The following CRK variants were observed in gnomAD, a reference collection of about 807,000 sequenced individuals.
The protein encoded by CRK is CRK proto-oncogene, adaptor protein.
Under a neutral mutation model 29.8 loss-of-function variants are expected in CRK, and 4 were observed. The observed-to-expected ratio is 0.13, with a 90% CI of 0.07 to 0.31. The LOEUF (loss-of-function observed/expected upper bound fraction) is 0.31. Ranked by LOEUF, CRK falls within the 10% of genes least tolerant of loss-of-function variation. The probability of loss-of-function intolerance (pLI) is 1.00; values close to 1 mark genes in which losing one functional copy is unlikely to be tolerated. For synonymous variants in CRK, 153 were observed against 164.9 expected, an observed-to-expected ratio of 0.93 and a Z score of 0.55; for missense variants, 274 against 396.5, an observed-to-expected ratio of 0.69 and a Z score of 2.62.
At position 1,421,889 on chromosome 17, in the gene CRK, C is replaced by T. The variant is rs2073728889; in HGVS notation, c.*1624G>A. On this transcript the variant is annotated 3_prime_UTR_variant, in exon 3 of 3. Coordinates refer to ENST00000300574, the MANE Select transcript of CRK (RefSeq NM_016823.4). Reference sequence around the variant, plus strand: ...TACCACACCAGAGACCGGTAAGTGCCTTTATAGACTGAGAACTAACGTGGA... The same window carrying T: ...TACCACACCAGAGACCGGTAAGTGCTTTTATAGACTGAGAACTAACGTGGA... 2 of 152,140 alleles carry T rather than the reference C, an allele frequency of 1.3e-5. No individual in the cohort carries two copies. The highest frequency in any genetic ancestry group is 2.4e-5 in the African/African-American group (1 of 41,424). 9.4% of individuals were successfully genotyped at this position (152,140 alleles called of 1,614,324 possible).
chr17:1,455,490 G>A (rs2074048878), intron 1 of CRK, among the ~76,000 whole-genome samples: 1 of 152,300 alleles, frequency 6.6e-6, no homozygotes. Context: ...CCACTTGTAG[G>A]ATTATCGGAT....
chr17:1,428,521 C>CTTTTTTTTT (rs754259440), intron 2 of CRK, among the ~76,000 whole-genome samples: 1 of 111,198 alleles, frequency 9.0e-6, no homozygotes, highest in African/African-American at 3.5e-5. Flanking sequence ...CATATCAGAT[C>CTTTTTTTTT]TTTTTTTTTT....
chr17:1,425,461 C>T (rs959222565), intron 2 of CRK, among the ~76,000 whole-genome samples: 8 of 152,142 alleles, frequency 5.3e-5, no homozygotes, highest in Non-Finnish European at 1.0e-4. Context: ...CTGACACCAT[C>T]ATGGCTCACT....
At position 1,423,669 on chromosome 17, in the gene CRK, G is replaced by A. The variant is rs376468359; in HGVS notation, c.778-19C>T. 16 of 1,612,704 alleles carry A rather than the reference G, an allele frequency of 9.9e-6. No individual in the cohort carries two copies. The African/African-American group carries it at 1.7e-4, about 18-fold the overall frequency. On this transcript the variant is annotated intron_variant, in intron 2 of 2. Coordinates refer to ENST00000300574, the MANE Select transcript of CRK (RefSeq NM_016823.4). ...CACCGACCTGCAGGAGGAGAATAAG[G>A]AGAGCACTTTATTTCCAGGTAGGAA...
chr17:1,423,543 A>G lies in CRK; in HGVS notation c.885T>C (p.Asp295=). The G allele has an allele frequency of 6.2e-7, 1 of 1,613,990 alleles. No homozygotes were observed. Among genetic ancestry groups the G allele is most frequent in the South Asian group, 1.1e-5 (1 of 91,076 alleles). Residue 295 remains aspartate (D), a synonymous_variant, in exon 3 of 3, where the codon GAT becomes GAC. Transcript: ENST00000300574. ...TGAAGTCCTCATCGGGATTCTGTTG[A>G]TCCAGCAGACGGACATGTGTGAATG... ...HFPFTHVRLL[D]QQNPDEDFS is the part of the protein sequence containing the mutation.
chr17:1,455,998 C>A lies in CRK; in HGVS notation c.120G>T (p.Ser40=). ...QRHGVFLVRD[S]STSPGDYVLS... is the part of the protein sequence containing the mutation. ...GCACATAGTCCCCGGGGCTGGTGCT[C>A]GAGTCCCGCACCAGGAACACCCCGT... Residue 40 remains serine (S), a synonymous_variant, in exon 1 of 3, where the codon TCG becomes TCT. Coordinates refer to ENST00000300574, the MANE Select transcript of CRK (RefSeq NM_016823.4). The A allele has an allele frequency of 6.2e-7, 1 of 1,600,920 alleles. No homozygotes were observed. Among genetic ancestry groups the A allele is most frequent in the Non-Finnish European group, 8.5e-7 (1 of 1,175,258 alleles).
intron 2 of CRK, among the ~76,000 whole-genome samples, chr17:1,431,715 G>A (rs1176709638): frequency 6.6e-6 from 1 of 152,134 alleles, no homozygotes; most frequent in African/African-American, 2.4e-5. Flanking sequence ...AGTCACTAGA[G>A]TATCTGGGAC....
chr17:1,452,691 G>A (rs1345684458), intron 1 of CRK, among the ~76,000 whole-genome samples: 1 of 152,064 alleles, frequency 6.6e-6, no homozygotes, highest in Non-Finnish European at 1.5e-5. Context: ...TCAGGAGGCT[G>A]AGGCAGGAGA....
Position 1,456,155 on chromosome 17 carries a change from G to A in CRK, c.-38C>T, listed in dbSNP as rs764916804. 1.7e-4 allele frequency: 242 copies of A among 1,441,654 alleles called. 1 individual carries two copies. The highest frequency in any genetic ancestry group is 5.5e-4 in the Admixed American group (18 of 32,938). The allele number at this position is 1,441,654 out of a possible 1,614,324, so 89.3% of individuals were successfully genotyped here. On this transcript the variant is annotated 5_prime_UTR_variant, in exon 1 of 3. Coordinates refer to ENST00000300574, the MANE Select transcript of CRK (RefSeq NM_016823.4). ...GCCTAAACGCTGGGGTGCCGCCGCCGCGCGCGCCCCTCCGGCCCCCGGCGC... is the reference window on the plus strand; with the variant it reads ...GCCTAAACGCTGGGGTGCCGCCGCCACGCGCGCCCCTCCGGCCCCCGGCGC...
rs1257672960 is a variant in CRK at position 1,423,573 on chromosome 17, G to A, written c.855C>T (p.His285=). Residue 285 remains histidine (H), a synonymous_variant, in exon 3 of 3, where the codon CAC becomes CAT. Transcript: ENST00000300574. ...GCAGACGGACATGTGTGAATGGGAA[G>A]TGACCTCGTTTGCCATTACACTCCC... ...WEGECNGKRG[H]FPFTHVRLLD... The A allele has an allele frequency of 6.2e-7, 1 of 1,614,014 alleles. No individual in the cohort carries two copies. Among genetic ancestry groups the A allele is most frequent in the African/African-American group, 1.3e-5 (1 of 74,906 alleles).
chr17:1,455,847 C>T (rs1422867175), intron 1 of CRK, 30 bp downstream of exon 1: 5 of 1,511,052 alleles, frequency 3.3e-6, no homozygotes, highest in Non-Finnish European at 4.4e-6. Context: ...CTCACCCCGC[C>T]CAGGGCCCGC....
At position 1,453,268 on chromosome 17, in the gene CRK, G is replaced by C. The variant is rs545465651; in HGVS notation, c.241+2609C>G. 3.3e-5 allele frequency among the ~76,000 whole-genome samples: 5 copies of C among 152,264 alleles called. No individual in the cohort carries two copies. In the East Asian group the frequency reaches 5.8e-4, roughly 18 times the overall value. On this transcript the variant is annotated intron_variant, in intron 1 of 2. Transcript: ENST00000300574. ...CTGAGTTCTTATCTGTTTTGAAAAGGTGGTGCTCGATTATCACGGTAAGTG... is the reference window on the plus strand; with the variant it reads ...CTGAGTTCTTATCTGTTTTGAAAAGCTGGTGCTCGATTATCACGGTAAGTG...
intron 1 of CRK, among the ~76,000 whole-genome samples, chr17:1,438,819 A>C (rs963722699): frequency 6.6e-6 from 1 of 152,018 alleles, no homozygotes; most frequent in Non-Finnish European, 1.5e-5. Flanking sequence ...CAAAACGAGT[A>C]AATTCAAACA....
intron 1 of CRK, among the ~76,000 whole-genome samples, chr17:1,437,765 C>T (rs1040005468): frequency 1.3e-5 from 2 of 151,696 alleles, no homozygotes; most frequent in South Asian, 2.1e-4. Context: ...GCGATTCTCC[C>T]GTCTCAGCCT....
chr17:1,428,071 AT>A (rs2150900221), intron 2 of CRK, among the ~76,000 whole-genome samples: 1 of 151,530 alleles, frequency 6.6e-6, no homozygotes, highest in East Asian at 2.0e-4. Context: ...ATTTCTCAAA[AT>A]GTGGGGCAAA....
chr17:1,448,177 A>G (rs1459080292), intron 1 of CRK, among the ~76,000 whole-genome samples: 1 of 151,840 alleles, frequency 6.6e-6, no homozygotes, highest in Non-Finnish European at 1.5e-5. Flanking sequence ...AGCAAATAGA[A>G]TGTTCTAAAG....
rs62089594 is a variant in CRK at position 1,423,272 on chromosome 17, C to T, written c.*241G>A. 1 of 569,484 alleles carries T rather than the reference C, an allele frequency of 1.8e-6. No individual in the cohort carries two copies. The highest frequency in any genetic ancestry group is 1.9e-5 in the African/African-American group (1 of 52,604). The allele number at this position is 569,484 out of a possible 1,614,324, so 35.3% of individuals were successfully genotyped here. On this transcript the variant is annotated 3_prime_UTR_variant, in exon 3 of 3. Coordinates refer to ENST00000300574, the MANE Select transcript of CRK (RefSeq NM_016823.4). ...ACCTATCCCTTCTGATACACACAGG[C>T]ACGACCACTACCGCCTCCAATTGCC... is the stretch of plus-strand genomic sequence containing the variant.
intron 1 of CRK, among the ~76,000 whole-genome samples, chr17:1,443,106 G>A (rs780152395): frequency 1.2e-4 from 18 of 151,472 alleles, no homozygotes; most frequent in Admixed American, 2.0e-4. Context: ...AGCTTCCCAA[G>A]TAACTGAGAT....
chr17:1,423,487 C>A lies in CRK; in HGVS notation c.*26G>T, dbSNP rs200149433. 485 of 1,583,694 alleles carry A rather than the reference C, an allele frequency of 3.1e-4. 3 individuals are homozygous for A. The highest frequency in any genetic ancestry group is 3.8e-4 in the Non-Finnish European group (437 of 1,165,194). On this transcript the variant is annotated 3_prime_UTR_variant, in exon 3 of 3. Transcript: ENST00000300574. ...AAAAAAAAAAAAAGATTGTTCCCAT[C>A]TGTCAGCAAAACTGTTGAACTATAC...
Sources: gnomAD v4.1 joint callset for allele counts (sites outside exome capture counted in the v4.1 genomes callset) on GRCh38, gnomAD v4.1.1 for gene constraint, MANE v1.5 for transcripts, NCBI Gene and HGNC (gene_info 2026-07-23, HGNC 2026-07-21) for gene names.